The following POU6F2 variants were observed in gnomAD, a reference collection of about 807,000 sequenced individuals.
POU6F2 encodes the protein POU domain, class 6, transcription factor 2.
POU6F2 carries 31 observed loss-of-function variants against 71.3 expected under a neutral mutation model. The ratio of observed to expected loss-of-function variants is 0.43; its 90% CI spans 0.33 to 0.59. The LOEUF (loss-of-function observed/expected upper bound fraction) is 0.59. Among genes scored for constraint, POU6F2 ranks in the 20% least tolerant of loss-of-function variants. The probability of loss-of-function intolerance (pLI) is 0.04; values close to 1 mark genes in which losing one functional copy is unlikely to be tolerated. For missense variants in POU6F2, 783 were observed against 856.8 expected (o/e 0.91, Z 1.07); for synonymous variants, 347 against 355.7 (o/e 0.98, Z 0.27).
chr7:39,132,078 G>A (rs1353360425), intron 2 of POU6F2, among the ~76,000 whole-genome samples: 1 of 152,138 alleles, frequency 6.6e-6, no homozygotes, highest in Admixed American at 6.5e-5. Flanking sequence ...ACCCTGTTAT[G>A]CTATCAAATA....
intron 5 of POU6F2, among the ~76,000 whole-genome samples, chr7:39,395,200 G>T (rs1787149293): frequency 6.6e-6 from 1 of 152,106 alleles, no homozygotes; most frequent in African/African-American, 2.4e-5. Flanking sequence ...TAATATACAA[G>T]GTCCTCCCTC....
intron 2 of POU6F2, among the ~76,000 whole-genome samples, chr7:39,179,230 C>T (rs748216267): frequency 1.3e-5 from 2 of 152,204 alleles, no homozygotes; most frequent in African/African-American, 2.4e-5. Context: ...TTCATTCTTC[C>T]GGTGAGGTGG....
chr7:39,328,559 C>G (rs928867841), intron 4 of POU6F2, among the ~76,000 whole-genome samples: 1 of 152,194 alleles, frequency 6.6e-6, no homozygotes, highest in Admixed American at 6.5e-5. Flanking sequence ...TAGGCTGGAT[C>G]AGAATATCAC....
intron 4 of POU6F2, among the ~76,000 whole-genome samples, chr7:39,259,235 A>T (rs1028050064): frequency 6.6e-6 from 1 of 152,132 alleles, no homozygotes; most frequent in East Asian, 1.9e-4. Context: ...TCCAGTTTCA[A>T]TGTTGTTCTC....
At chr7:39,404,014 G>A (rs1299116509) in intron 5 of POU6F2, among the ~76,000 whole-genome samples, 3 of 152,196 alleles carry the variant, frequency 2.0e-5, no homozygotes, top group African/African-American at 7.2e-5. Context: ...ATGACGGTAG[G>A]AAGTAAAAGA....
chr7:39,369,841 T>C (rs1786574082), intron 5 of POU6F2, among the ~76,000 whole-genome samples: 1 of 148,220 alleles, frequency 6.7e-6, no homozygotes, highest in Non-Finnish European at 1.5e-5. Flanking sequence ...ACACCACCAC[T>C]CGCAGCATTT....
chr7:39,171,330 A>T (rs939742449), intron 2 of POU6F2, among the ~76,000 whole-genome samples: 2 of 152,256 alleles, frequency 1.3e-5, no homozygotes, highest in Admixed American at 1.3e-4. Context: ...GTTCTGCTAT[A>T]AAATTATTAA....
intron 6 of POU6F2, among the ~76,000 whole-genome samples, chr7:39,421,069 C>T (rs2073545): frequency 0.019 from 2,954 of 152,152 alleles, 70 homozygotes; most frequent in East Asian, 0.062. Flanking sequence ...GCCCTCTTTC[C>T]ATACATCTAT....
At chr7:39,248,847 G>T (rs1783866396) in intron 4 of POU6F2, among the ~76,000 whole-genome samples, 1 of 152,190 alleles carries the variant, frequency 6.6e-6, no homozygotes, top group Non-Finnish European at 1.5e-5. Context: ...TCCCCACTGA[G>T]CCGACTTTGC....
In POU6F2 at chr7:39,085,799, A is replaced by G. The variant is rs1584535115; in HGVS notation, c.106-61A>G. ...AGAGAGAGGGAGAGGGAGAGAGAGG[A>G]CACGCACTCTAAATCTGCCACTTTT... On this transcript the variant is annotated intron_variant, in intron 1 of 9. Transcript: ENST00000518318. 4 of 1,517,428 alleles carry G rather than the reference A, an allele frequency of 2.6e-6. No homozygotes were observed. In the East Asian group the frequency reaches 9.3e-5, roughly 35 times the overall value. The allele number at this position is 1,517,428 out of a possible 1,614,324, so 94.0% of individuals were successfully genotyped here. A position where few individuals can be genotyped will look rare whatever the true frequency, so the allele number is the denominator to read the frequency against.
intron 5 of POU6F2, among the ~76,000 whole-genome samples, chr7:39,389,482 G>C (rs761135119): frequency 1.3e-5 from 2 of 152,148 alleles, no homozygotes; most frequent in Non-Finnish European, 2.9e-5. Flanking sequence ...ACAGTTGTGA[G>C]TAACTTGCCT....
At chr7:39,141,913 C>T (rs1245857163) in intron 2 of POU6F2, among the ~76,000 whole-genome samples, 1 of 152,066 alleles carries the variant, frequency 6.6e-6, no homozygotes, top group Non-Finnish European at 1.5e-5. Context: ...TGGTGAAACT[C>T]CATCTCTACC....
intron 4 of POU6F2, among the ~76,000 whole-genome samples, chr7:39,281,981 A>G (rs949936454): frequency 6.6e-6 from 1 of 151,964 alleles, no homozygotes; most frequent in African/African-American, 2.4e-5. Context: ...TTTTGTAGCT[A>G]TTCTAATTGG....
intron 2 of POU6F2, among the ~76,000 whole-genome samples, chr7:39,141,150 GT>G (rs1320482873): frequency 1.3e-5 from 2 of 152,262 alleles, no homozygotes; most frequent in Non-Finnish European, 2.9e-5. Context: ...AGGTGCAACT[GT>G]TTTTGTGTTC....
intron 2 of POU6F2, among the ~76,000 whole-genome samples, chr7:39,125,448 A>T (rs1792122065): frequency 6.6e-6 from 1 of 152,132 alleles, no homozygotes; most frequent in African/African-American, 2.4e-5. Flanking sequence ...CTAATCTGTA[A>T]CCTTCTGTCC....
At chr7:39,049,706 AG>A (rs1197547368) in intron 1 of POU6F2, among the ~76,000 whole-genome samples, 2 of 152,022 alleles carry the variant, frequency 1.3e-5, no homozygotes, top group Admixed American at 1.3e-4. Context: ...TTTTTATTTT[AG>A]TTATTGTACT....
intron 5 of POU6F2, among the ~76,000 whole-genome samples, chr7:39,358,073 C>A (rs1786297104): frequency 1.3e-5 from 2 of 152,114 alleles, no homozygotes; most frequent in Non-Finnish European, 2.9e-5. Flanking sequence ...TTCAAGCAAA[C>A]TGTAAAAAAG....
chr7:39,053,403 CTCTG>C (rs1474239026), intron 1 of POU6F2, among the ~76,000 whole-genome samples: 1 of 152,046 alleles, frequency 6.6e-6, no homozygotes, highest in Non-Finnish European at 1.5e-5. Context: ...CTCCTTTCTT[CTCTG>C]TCTCTCTTTC....
chr7:39,148,319 G>A (rs1403805135), intron 2 of POU6F2, among the ~76,000 whole-genome samples: 4 of 152,156 alleles, frequency 2.6e-5, no homozygotes, highest in African/African-American at 9.7e-5. Flanking sequence ...TTCTGATCAT[G>A]TTCTGAACTC....
Sources: gnomAD v4.1 joint callset for allele counts (sites outside exome capture counted in the v4.1 genomes callset) on GRCh38, gnomAD v4.1.1 for gene constraint, MANE v1.5 for transcripts, NCBI Gene and HGNC (gene_info 2026-07-23, HGNC 2026-07-21) for gene names.